The following OPCML variants were observed in gnomAD, a reference collection of about 807,000 sequenced individuals.
OPCML encodes the protein opioid binding protein/cell adhesion molecule like.
In OPCML, 13 loss-of-function variants were observed where a neutral mutation model predicts 37.8. The ratio of observed to expected loss-of-function variants is 0.34; its 90% CI spans 0.22 to 0.55. The LOEUF (loss-of-function observed/expected upper bound fraction) is 0.55. OPCML is among the 20% of genes least tolerant of loss of function. OPCML has a pLI of 0.91. For missense variants in OPCML, 341 were observed against 435.6 expected (o/e 0.78, Z 1.93); for synonymous variants, 176 against 168.8 (o/e 1.04, Z -0.33).
chr11:132,976,568 T>C (rs1946469860), intron 1 of OPCML, among the ~76,000 whole-genome samples: 1 of 152,188 alleles, frequency 6.6e-6, no homozygotes, highest in Non-Finnish European at 1.5e-5. Flanking sequence ...CAAGTTGATT[T>C]GCAGAAAAAT....
chr11:133,468,048 T>C (rs1195087404), intron 1 of OPCML, among the ~76,000 whole-genome samples: 3 of 152,210 alleles, frequency 2.0e-5, no homozygotes, highest in Non-Finnish European at 4.4e-5. Flanking sequence ...TACCTGGCAA[T>C]GCTCTCAAAA....
chr11:133,210,342 A>G (rs1939301314), intron 1 of OPCML, among the ~76,000 whole-genome samples: 1 of 152,052 alleles, frequency 6.6e-6, no homozygotes, highest in African/African-American at 2.4e-5. Context: ...AAAGAAAATG[A>G]TGTGGTTTTT....
intron 2 of OPCML, among the ~76,000 whole-genome samples, chr11:132,679,888 T>C (rs1244289031): frequency 6.6e-6 from 1 of 152,236 alleles, no homozygotes; most frequent in African/African-American, 2.4e-5. Context: ...TGTGATTTGA[T>C]GGTTATCCAA....
At chr11:132,469,317 C>T (rs578117662) in intron 4 of OPCML, among the ~76,000 whole-genome samples, 4 of 152,216 alleles carry the variant, frequency 2.6e-5, no homozygotes, top group Non-Finnish European at 4.4e-5. Context: ...AGAGAATTTT[C>T]GTGAGACTAG....
chr11:133,148,581 C>T (rs1416910848), intron 1 of OPCML, among the ~76,000 whole-genome samples: 1 of 152,178 alleles, frequency 6.6e-6, no homozygotes, highest in Non-Finnish European at 1.5e-5. Flanking sequence ...AGAACTGAAA[C>T]AGCCATGTGC....
At chr11:133,529,666 C>T (rs1316563439) in intron 1 of OPCML, among the ~76,000 whole-genome samples, 5 of 152,190 alleles carry the variant, frequency 3.3e-5, no homozygotes, top group Admixed American at 6.5e-5. Context: ...GGCATTGAGG[C>T]CTAACCAGGT....
At chr11:133,005,921 C>G in intron 1 of OPCML, 1 of 985,382 alleles carries the variant, frequency 1.0e-6, no homozygotes, top group Non-Finnish European at 1.2e-6. Flanking sequence ...CTGTGGCCCT[C>G]AGACTAAATT....
intron 3 of OPCML, among the ~76,000 whole-genome samples, chr11:132,568,657 C>A (rs1472777197): frequency 1.3e-5 from 2 of 152,156 alleles, no homozygotes; most frequent in Admixed American, 6.5e-5. Context: ...GGAAATATTT[C>A]TTCCTGGAAC....
At chr11:133,463,561 T>C (rs1034426306) in intron 1 of OPCML, among the ~76,000 whole-genome samples, 2 of 152,156 alleles carry the variant, frequency 1.3e-5, no homozygotes, top group African/African-American at 2.4e-5. Context: ...CAAATATTAA[T>C]ATAAAAATAC....
At chr11:133,247,816 G>A (rs1000079052) in intron 1 of OPCML, among the ~76,000 whole-genome samples, 1 of 151,902 alleles carries the variant, frequency 6.6e-6, no homozygotes, top group Non-Finnish European at 1.5e-5. Context: ...TTGGTCATGG[G>A]CCAGGCTGGT....
In OPCML at chr11:132,843,672, C is replaced by T. The variant is rs536639095; in HGVS notation, c.146+99254G>A. Among the ~76,000 whole-genome samples, 5 of 151,662 alleles carry T rather than the reference C, an allele frequency of 3.3e-5. No homozygotes were observed. In the South Asian group the frequency reaches 8.4e-4, roughly 25 times the overall value. ...AATGAATAACAACTTCAGAAAAGTACATCAGTCTTTATAAAGCTCATCACT... is the reference window on the plus strand; with the variant it reads ...AATGAATAACAACTTCAGAAAAGTATATCAGTCTTTATAAAGCTCATCACT... On this transcript the variant is annotated intron_variant, in intron 2 of 7. Coordinates refer to ENST00000524381, the MANE Select transcript of OPCML (RefSeq NM_001012393.5).
chr11:132,861,401 T>G (rs2136359166), intron 2 of OPCML, among the ~76,000 whole-genome samples: 1 of 152,356 alleles, frequency 6.6e-6, no homozygotes, highest in Non-Finnish European at 1.5e-5. Flanking sequence ...ATATTGACTA[T>G]TCAAAATAAT....
chr11:132,733,297 C>T (rs143882586), intron 2 of OPCML, among the ~76,000 whole-genome samples: 58 of 151,948 alleles, frequency 3.8e-4, no homozygotes, highest in African/African-American at 1.4e-3. Context: ...GGTATAGATA[C>T]AAGACAAAGG....
At chr11:132,770,610 A>G (rs1167189192) in intron 2 of OPCML, among the ~76,000 whole-genome samples, 1 of 152,096 alleles carries the variant, frequency 6.6e-6, no homozygotes, top group Non-Finnish European at 1.5e-5. Flanking sequence ...TTTAAGTCAC[A>G]TGCTTTCAGG....
chr11:133,367,592 G>A (rs1944574479), intron 1 of OPCML, among the ~76,000 whole-genome samples: 1 of 152,216 alleles, frequency 6.6e-6, no homozygotes, highest in Non-Finnish European at 1.5e-5. Context: ...AGGGCCTTTC[G>A]AGTAAAGCAG....
intron 2 of OPCML, among the ~76,000 whole-genome samples, chr11:132,888,443 A>T (rs1346174024): frequency 6.6e-6 from 1 of 152,190 alleles, no homozygotes. Context: ...ATGCTCATGG[A>T]GAAGGAACGT....
chr11:132,948,235 G>A (rs919699213), intron 1 of OPCML, among the ~76,000 whole-genome samples: 5 of 152,232 alleles, frequency 3.3e-5, no homozygotes, highest in Admixed American at 6.5e-5. Context: ...GGGGCACACC[G>A]TGCCATGCTG....
intron 2 of OPCML, among the ~76,000 whole-genome samples, chr11:132,941,895 G>A (rs2136671437): frequency 6.6e-6 from 1 of 152,292 alleles, no homozygotes; most frequent in East Asian, 1.9e-4. Context: ...CACCAGAAAA[G>A]CCAAGGGAGG....
chr11:132,888,368 C>A (rs996336874), intron 2 of OPCML, among the ~76,000 whole-genome samples: 2 of 152,072 alleles, frequency 1.3e-5, no homozygotes, highest in South Asian at 2.1e-4. Context: ...AGAGGCTGTG[C>A]GCTGTCTCTG....
Sources: gnomAD v4.1 joint callset for allele counts (sites outside exome capture counted in the v4.1 genomes callset) on GRCh38, gnomAD v4.1.1 for gene constraint, MANE v1.5 for transcripts, NCBI Gene and HGNC (gene_info 2026-07-23, HGNC 2026-07-21) for gene names.